The following PRSS1 variants were observed in gnomAD, a reference collection of about 807,000 sequenced individuals.
PRSS1 encodes the protein serine protease 1.
PRSS1 carries 22 observed loss-of-function variants against 24.2 expected under a neutral mutation model. The observed-to-expected ratio is 0.91, with a 90% CI of 0.65 to 1.30. The LOEUF (loss-of-function observed/expected upper bound fraction) is 1.30. Ranked by LOEUF, PRSS1 falls within the 50% of genes most tolerant of loss-of-function variation. The pLI, the probability that PRSS1 is intolerant of heterozygous loss-of-function variation, is 0.00. For synonymous variants in PRSS1, 126 were observed against 116.1 expected (o/e 1.08, Z -0.55); for missense variants, 366 against 304.2 (o/e 1.20, Z -1.51).
chr7:142,751,504 G>C (rs1282062913), intron 2 of PRSS1: 55 of 608,780 alleles, frequency 9.0e-5, no homozygotes, highest in Non-Finnish European at 1.4e-4. Flanking sequence ...TTGTGGGAAA[G>C]AGTCTGGGGA....
At position 142,751,979 on chromosome 7, in the gene PRSS1, G is replaced by T; in HGVS notation, c.406G>T (p.Gly136Cys). The T allele has an allele frequency of 6.2e-7, 1 of 1,614,118 alleles. No homozygotes were observed. The highest frequency in any genetic ancestry group is 1.6e-4 in the Middle Eastern group (1 of 6,062). The change falls in exon 3 of 5, where the codon GGC becomes TGC. Residue 136 changes from glycine to cysteine, a missense_variant. Gly to Cys is a radical substitution (Grantham distance 159). Transcript: ENST00000311737. ...TCTGCCCACCGCCCCTCCAGCCACT[G>T]GCACGAAGTGCCTCATCTCTGGCTG... ...ISLPTAPPAT[G>C]TKCLISGWGN...
chr7:142,750,470 T>C (rs993811277), intron 1 of PRSS1, 85 bp from the exon 2 acceptor site: 6 of 1,602,404 alleles, frequency 3.7e-6, no homozygotes, highest in East Asian at 2.2e-5. Context: ...TAAGGATTTC[T>C]AATTAGCAGA....
Position 142,753,010 on chromosome 7 carries a change from C to G in PRSS1, c.734C>G (p.Ala245Gly). The G allele has an allele frequency of 6.2e-7, 1 of 1,613,474 alleles. No individual in the cohort carries two copies. Among genetic ancestry groups the G allele is most frequent in the Non-Finnish European group, 8.5e-7 (1 of 1,179,760 alleles). Residue 245 changes from alanine (A) to glycine (G), a missense_variant, in exon 5 of 5, where the codon GCC (alanine) becomes GGC (glycine). Physicochemically the swap from Ala to Gly is moderately conservative, Grantham distance 60. Coordinates refer to ENST00000311737, the MANE Select transcript of PRSS1 (RefSeq NM_002769.5). ...YVKWIKNTIAANS is the reference protein window; with the variant it reads ...YVKWIKNTIAGNS ...AAATGGATTAAGAACACCATAGCTG[C>G]CAATAGCTAAAGCCCCCAGTATCTC... is the stretch of plus-strand genomic sequence containing the variant.
chr7:142,750,603 G>A lies in PRSS1; in HGVS notation c.89G>A (p.Cys30Tyr). The change falls in exon 2 of 5, where the codon TGT becomes TAT. Residue 30 changes from cysteine (C) to tyrosine (Y), a missense_variant. By Grantham distance (194) the Cys-to-Tyr change is radical. Coordinates refer to ENST00000311737, the MANE Select transcript of PRSS1 (RefSeq NM_002769.5). The part of the protein sequence containing the change: ...DDDKIVGGYN[C>Y]EENSVPYQVS... Reference sequence around the variant, plus strand: ...GACAAGATCGTTGGGGGCTACAACTGTGAGGAGAATTCTGTCCCCTACCAG... The same window carrying A: ...GACAAGATCGTTGGGGGCTACAACTATGAGGAGAATTCTGTCCCCTACCAG... 2 of 1,614,054 alleles carry A rather than the reference G, an allele frequency of 1.2e-6. No individual in the cohort carries two copies. The highest frequency in any genetic ancestry group is 1.3e-5 in the African/African-American group (1 of 75,076).
intron 2 of PRSS1, 26 bp from the exon 3 acceptor site, chr7:142,751,748 T>G (rs1307194557): frequency 1.2e-6 from 2 of 1,614,030 alleles, no homozygotes; most frequent in Non-Finnish European, 1.7e-6. Flanking sequence ...GGAGAAGGTC[T>G]TCACCATGCC....
chr7:142,752,127 C>T, intron 3 of PRSS1, 100 bp downstream of exon 3: 3 of 1,541,844 alleles, frequency 1.9e-6, no homozygotes, highest in Non-Finnish European at 2.7e-6. Context: ...AGGCTTAAGA[C>T]ACATTTCGAG....
chr7:142,752,706 T>A, intron 4 of PRSS1, 139 bp downstream of exon 4: 1 of 1,507,666 alleles, frequency 6.6e-7, no homozygotes, highest in South Asian at 1.1e-5. Context: ...GAAGACTCCC[T>A]TGGGCTGCAT....
Position 142,751,952 on chromosome 7 carries a change from TC to T in PRSS1, c.380del (p.Ser127PhefsTer40). The stretch of plus-strand genomic sequence containing the variant: ...AATCAACGCCCGCGTGTCCACCATC[TC>T]TCTGCCCACCGCCCCTCCAGCCACT... ...AVINARVSTISLPTAPPATGT... is the reference protein window; with the variant it reads ...AVINARVSTIXLPTAPPATGT... On this transcript the variant is annotated frameshift_variant, in exon 3 of 5. Transcript: ENST00000311737. LOFTEE classifies it high-confidence loss of function. The T allele has an allele frequency of 6.2e-7, 1 of 1,613,900 alleles. No homozygotes were observed. The highest frequency in any genetic ancestry group is 8.5e-7 in the Non-Finnish European group (1 of 1,179,946).
At chr7:142,750,797 TG>T (rs1322035390) in intron 2 of PRSS1, 83 bp downstream of exon 2, 3 of 1,591,940 alleles carry the variant, frequency 1.9e-6, no homozygotes, top group Non-Finnish European at 2.6e-6. Context: ...CTACTGAGGT[TG>T]GGTAAGATGG....
Position 142,752,957 on chromosome 7 carries a change from A to G in PRSS1, c.681A>G (p.Gly227=), listed in dbSNP as rs780015944. Residue 227 remains glycine, a synonymous_variant, in exon 5 of 5, where the codon GGA becomes GGG. Transcript: ENST00000311737. ...GCTGTGCCCAGAAGAACAAGCCTGGAGTCTACACCAAGGTCTACAACTATG... is the reference window on the plus strand; with the variant it reads ...GCTGTGCCCAGAAGAACAAGCCTGGGGTCTACACCAAGGTCTACAACTATG... ...GDGCAQKNKP[G]VYTKVYNYVK... 17 of 1,612,926 alleles carry G rather than the reference A, an allele frequency of 1.1e-5. No individual in the cohort carries two copies. The highest frequency in any genetic ancestry group is 1.4e-5 in the Non-Finnish European group (16 of 1,179,700).
chr7:142,750,339 C>CTGAAACCCCATG (rs1798593811), intron 1 of PRSS1, among the ~76,000 whole-genome samples: 2 of 151,958 alleles, frequency 1.3e-5, no homozygotes, highest in Admixed American at 1.3e-4. Context: ...CAGGAGAGCT[C>CTGAAACCCCATG]GGATCCTCCG....
rs200217253 is a variant in PRSS1 at position 142,750,724 on chromosome 7, G to T, written c.200+10G>T. 2.6e-5 allele frequency: 42 copies of T among 1,613,842 alleles called. No homozygotes were observed. In the Admixed American group the frequency reaches 5.7e-4, roughly 22 times the overall value. On this transcript the variant is annotated intron_variant, in intron 2 of 4. Transcript: ENST00000311737. ...GCCACTGCTACAAGTCGTAAGTGTG[G>T]GGCCCCCGACTGCAAAGCTCCCGGC... is the stretch of plus-strand genomic sequence containing the variant.
rs757743939 is a variant in PRSS1 at position 142,750,541 on chromosome 7, C to T, written c.41-14C>T. The stretch of plus-strand genomic sequence containing the variant: ...GCTATTGACTTGCCTTCTCCCTTCC[C>T]ATCTCCACTCCAGTTGCTGCCCCCT... On this transcript the variant is annotated splice_polypyrimidine_tract_variant and intron_variant, in intron 1 of 4. Coordinates refer to ENST00000311737, the MANE Select transcript of PRSS1 (RefSeq NM_002769.5). The T allele has an allele frequency of 2.5e-6, 4 of 1,613,902 alleles. No individual in the cohort carries two copies. Among genetic ancestry groups the T allele is most frequent in the East Asian group, 2.2e-5 (1 of 44,892 alleles).
rs1445405636 is a variant in PRSS1 at position 142,752,970 on chromosome 7, G to T, written c.694G>T (p.Val232Phe). 6.2e-7 allele frequency: 1 copy of T among 1,613,772 alleles called. No individual in the cohort carries two copies. Among genetic ancestry groups the T allele is most frequent in the Non-Finnish European group, 8.5e-7 (1 of 1,179,948 alleles). Residue 232 changes from valine to phenylalanine, a missense_variant, in exon 5 of 5, where the codon GTC (valine) becomes TTC (phenylalanine). Physicochemically the swap from Val to Phe is conservative, Grantham distance 50. Transcript: ENST00000311737. ...QKNKPGVYTK[V>F]YNYVKWIKNT... ...GAACAAGCCTGGAGTCTACACCAAGGTCTACAACTATGTGAAATGGATTAA... is the reference window on the plus strand; with the variant it reads ...GAACAAGCCTGGAGTCTACACCAAGTTCTACAACTATGTGAAATGGATTAA...
At chr7:142,749,650 ATC>A in intron 1 of PRSS1, 126 bp downstream of exon 1, 1 of 1,313,486 alleles carries the variant, frequency 7.6e-7, no homozygotes, top group Non-Finnish European at 1.1e-6. Context: ...CATCTGGCAT[ATC>A]TCCTTCCCAT....
At position 142,750,598 on chromosome 7, in the gene PRSS1, C is replaced by T. The variant is rs1798619404; in HGVS notation, c.84C>T (p.Tyr28=). ...FDDDDKIVGG[Y]NCEENSVPYQ... ...ATGATGACAAGATCGTTGGGGGCTA[C>T]AACTGTGAGGAGAATTCTGTCCCCT... The change falls in exon 2 of 5, where the codon TAC becomes TAT. Residue 28 remains tyrosine, a synonymous_variant. Transcript: ENST00000311737. 2.5e-6 allele frequency: 4 copies of T among 1,613,920 alleles called. No individual in the cohort carries two copies. In the South Asian group the frequency reaches 3.3e-5, roughly 13 times the overall value.
chr7:142,752,156 T>A, intron 3 of PRSS1, 129 bp downstream of exon 3: 1 of 1,434,748 alleles, frequency 7.0e-7, no homozygotes, highest in Non-Finnish European at 9.7e-7. Flanking sequence ...ACACACAGAC[T>A]CTGCACTGGG....
At chr7:142,752,064 C>T (rs1798785874) in intron 3 of PRSS1, 37 bp downstream of exon 3, 1 of 1,613,710 alleles carries the variant, frequency 6.2e-7, no homozygotes. Context: ...TTCCCTCCAT[C>T]CTCACAATTT....
intron 1 of PRSS1, among the ~76,000 whole-genome samples, chr7:142,750,246 A>G (rs1465933671): frequency 6.6e-6 from 1 of 152,228 alleles, no homozygotes; most frequent in East Asian, 1.9e-4. Context: ...AGAAGCACTC[A>G]GTGGGAGAGA....
Sources: gnomAD v4.1 joint callset for allele counts (sites outside exome capture counted in the v4.1 genomes callset) on GRCh38, gnomAD v4.1.1 for gene constraint, MANE v1.5 for transcripts, NCBI Gene and HGNC (gene_info 2026-07-23, HGNC 2026-07-21) for gene names.